The following PABPC4L variants were observed in gnomAD, a reference collection of about 807,000 sequenced individuals.
PABPC4L encodes the protein poly(A) binding protein cytoplasmic 4 like, also known as polyadenylate-binding protein 4-like.
For synonymous variants in PABPC4L, 169 were observed against 164.1 expected (o/e 1.03, Z -0.23); for missense variants, 452 against 451.4 (o/e 1.00, Z -0.01).
chr4:134,033,733 G>A, the PABPC4L span, among the ~76,000 whole-genome samples: 4 of 151,926 alleles, frequency 2.6e-5, no homozygotes, highest in Non-Finnish European at 4.4e-5. Context: ...TTCTATAAGG[G>A]GCTTAAGAGT....
the PABPC4L span, among the ~76,000 whole-genome samples, chr4:134,028,911 C>G: frequency 6.6e-6 from 1 of 152,054 alleles, no homozygotes; most frequent in East Asian, 1.9e-4. Flanking sequence ...GCATATCATA[C>G]TTTTTCCAAA....
the PABPC4L span, among the ~76,000 whole-genome samples, chr4:134,174,778 A>G: frequency 6.6e-6 from 1 of 151,960 alleles, no homozygotes; most frequent in South Asian, 2.1e-4. Context: ...TTCCTTTTAG[A>G]GTTCATTTAT....
the PABPC4L span, among the ~76,000 whole-genome samples, chr4:134,035,855 C>G: frequency 1.3e-5 from 2 of 152,020 alleles, no homozygotes; most frequent in Non-Finnish European, 2.9e-5. Context: ...TTTTATATCT[C>G]CTCCTCTAAT....
At chr4:134,017,848 C>T in the PABPC4L span, among the ~76,000 whole-genome samples, 1 of 152,082 alleles carries the variant, frequency 6.6e-6, no homozygotes, top group Admixed American at 6.5e-5. Flanking sequence ...CGCCCCTAAT[C>T]CCGCTTGAAG....
At chr4:134,047,451 T>G in the PABPC4L span, among the ~76,000 whole-genome samples, 1 of 152,020 alleles carries the variant, frequency 6.6e-6, no homozygotes, top group Non-Finnish European at 1.5e-5. Flanking sequence ...GAAATAAAAT[T>G]CCCATAGCTA....
At chr4:134,185,288 A>G in the PABPC4L span, among the ~76,000 whole-genome samples, 20 of 152,234 alleles carry the variant, frequency 1.3e-4, no homozygotes, top group African/African-American at 4.6e-4. Context: ...AAAATCCTCA[A>G]TAAAATACTG....
the PABPC4L span, among the ~76,000 whole-genome samples, chr4:134,028,820 A>G: frequency 1.3e-5 from 2 of 152,144 alleles, no homozygotes; most frequent in Admixed American, 1.3e-4. Flanking sequence ...ATCTCATTTA[A>G]AACAGCTTGT....
At chr4:134,174,525 C>A in the PABPC4L span, among the ~76,000 whole-genome samples, 2 of 152,048 alleles carry the variant, frequency 1.3e-5, no homozygotes, top group African/African-American at 4.8e-5. Context: ...ACAATGACAC[C>A]AGGTGATAGT....
chr4:134,078,698 C>G, the PABPC4L span, among the ~76,000 whole-genome samples: 13 of 146,528 alleles, frequency 8.9e-5, no homozygotes, highest in Non-Finnish European at 1.9e-4. Flanking sequence ...GTTGCCCAGA[C>G]AGGACTGCAA....
the PABPC4L span, among the ~76,000 whole-genome samples, chr4:134,179,738 C>T: frequency 6.6e-6 from 1 of 151,754 alleles, no homozygotes; most frequent in South Asian, 2.1e-4. Context: ...GGCTGCTATT[C>T]TAATTGGTTT....
chr4:134,030,690 T>C, the PABPC4L span, among the ~76,000 whole-genome samples: 1 of 152,132 alleles, frequency 6.6e-6, no homozygotes, highest in African/African-American at 2.4e-5. Context: ...AACATTGAAA[T>C]ATCTTTCTTC....
At chr4:133,962,461 C>T in the PABPC4L span, among the ~76,000 whole-genome samples, 9 of 152,156 alleles carry the variant, frequency 5.9e-5, no homozygotes, top group Non-Finnish European at 7.3e-5. Flanking sequence ...CAGGAGACAT[C>T]GGACACATTT....
the PABPC4L span, among the ~76,000 whole-genome samples, chr4:134,181,253 G>T: frequency 6.6e-6 from 1 of 152,054 alleles, no homozygotes; most frequent in Admixed American, 6.6e-5. Flanking sequence ...CACATAAACA[G>T]AACTAAAAGC....
the PABPC4L span, among the ~76,000 whole-genome samples, chr4:134,155,513 T>C: frequency 6.6e-5 from 10 of 151,716 alleles, no homozygotes; most frequent in Non-Finnish European, 1.2e-4. Flanking sequence ...ATCTTCCCCA[T>C]TGCTCTATCC....
At chr4:134,006,691 G>C in the PABPC4L span, among the ~76,000 whole-genome samples, 1 of 151,664 alleles carries the variant, frequency 6.6e-6, no homozygotes, top group Non-Finnish European at 1.5e-5. Context: ...TATTTGGGAG[G>C]TTGCTTATAT....
chr4:134,055,789 T>C, the PABPC4L span, among the ~76,000 whole-genome samples: 1 of 152,082 alleles, frequency 6.6e-6, no homozygotes, highest in African/African-American at 2.4e-5. Flanking sequence ...TTCATCTTAA[T>C]AGAGTGTTTT....
chr4:134,034,318 C>T, the PABPC4L span, among the ~76,000 whole-genome samples: 1 of 151,822 alleles, frequency 6.6e-6, no homozygotes, highest in Non-Finnish European at 1.5e-5. Flanking sequence ...TGCATCTAGT[C>T]ACCCGTGAGC....
the PABPC4L span, among the ~76,000 whole-genome samples, chr4:134,060,546 C>T: frequency 6.6e-6 from 1 of 151,786 alleles, no homozygotes; most frequent in African/African-American, 2.4e-5. Flanking sequence ...GTTGTGAGGT[C>T]ACCCATTCCA....
At chr4:133,992,594 T>A in the PABPC4L span, among the ~76,000 whole-genome samples, 1 of 152,056 alleles carries the variant, frequency 6.6e-6, no homozygotes, top group Non-Finnish European at 1.5e-5. Context: ...AGCAGTTATA[T>A]TATTAGAGGC....
Sources: allele counts gnomAD v4.1 joint callset (sites outside exome capture counted in the v4.1 genomes callset), GRCh38; gene constraint gnomAD v4.1.1; transcripts MANE v1.5; gene names NCBI Gene and HGNC (gene_info 2026-07-23, HGNC 2026-07-21).